The following DRC8 variants were observed in gnomAD, a reference collection of about 807,000 sequenced individuals.
The protein encoded by DRC8 is dynein regulatory complex subunit 8.
At chr1:245,009,764 G>GC in the DRC8 span, among the ~76,000 whole-genome samples, 3 of 151,708 alleles carry the variant, frequency 2.0e-5, no homozygotes, top group Non-Finnish European at 4.4e-5. Flanking sequence ...ACTGCGCCCA[G>GC]CCCCCCAAAT....
the DRC8 span, among the ~76,000 whole-genome samples, chr1:245,009,470 AT>A: frequency 6.0e-3 from 843 of 139,642 alleles, 5 homozygotes; most frequent in African/African-American, 0.02. Flanking sequence ...AATCCAAACG[AT>A]TTTTTTTTTT....
At chr1:245,090,343 G>A in the DRC8 span, among the ~76,000 whole-genome samples, 5 of 152,214 alleles carry the variant, frequency 3.3e-5, no homozygotes, top group Admixed American at 2.0e-4. Context: ...TAATTCCTGA[G>A]TGATAATATG....
chr1:245,028,271 A>G, the DRC8 span, among the ~76,000 whole-genome samples: 1 of 152,154 alleles, frequency 6.6e-6, no homozygotes, highest in African/African-American at 2.4e-5. Flanking sequence ...ATCATTTCTC[A>G]TGGCTAAGAA....
chr1:245,073,901 G>GT, the DRC8 span, among the ~76,000 whole-genome samples: 1 of 152,134 alleles, frequency 6.6e-6, no homozygotes, highest in South Asian at 2.1e-4. Context: ...TATTATCTCT[G>GT]TAACAAGAAA....
At chr1:245,102,560 G>C in the DRC8 span, among the ~76,000 whole-genome samples, 996 of 152,250 alleles carry the variant, frequency 6.5e-3, 7 homozygotes, top group African/African-American at 0.023. Context: ...ATGATGGCCA[G>C]GCTGGTCTCA....
chr1:245,079,007 GA>G, the DRC8 span, among the ~76,000 whole-genome samples: 1 of 152,032 alleles, frequency 6.6e-6, no homozygotes, highest in African/African-American at 2.4e-5. Context: ...AGGTATATGG[GA>G]ACTCTGTATT....
the DRC8 span, among the ~76,000 whole-genome samples, chr1:245,027,885 T>C: frequency 2.7e-5 from 4 of 146,958 alleles, no homozygotes; most frequent in African/African-American, 5.0e-5. Flanking sequence ...TTTTTTTTTT[T>C]CAGGAAGTGC....
the DRC8 span, among the ~76,000 whole-genome samples, chr1:245,017,948 C>T: frequency 6.6e-6 from 1 of 152,038 alleles, no homozygotes. Flanking sequence ...GCAATGAAGC[C>T]AGGCGTGGTG....
At chr1:245,012,988 A>T in the DRC8 span, among the ~76,000 whole-genome samples, 1 of 152,214 alleles carries the variant, frequency 6.6e-6, no homozygotes, top group Non-Finnish European at 1.5e-5. Flanking sequence ...CAATTGATAG[A>T]ATTAATCTCA....
At chr1:245,053,207 A>G in the DRC8 span, among the ~76,000 whole-genome samples, 1 of 152,186 alleles carries the variant, frequency 6.6e-6, no homozygotes, top group Non-Finnish European at 1.5e-5. Flanking sequence ...TACAAAGTTG[A>G]TGAGAAAAAA....
the DRC8 span, among the ~76,000 whole-genome samples, chr1:245,036,739 A>G: frequency 8.0e-3 from 1,221 of 152,362 alleles, 17 homozygotes; most frequent in African/African-American, 0.028. Context: ...AGCTGGACAC[A>G]GAAGGCCACA....
chr1:244,980,403 A>T, the DRC8 span, among the ~76,000 whole-genome samples: 1 of 152,132 alleles, frequency 6.6e-6, no homozygotes, highest in African/African-American at 2.4e-5. Context: ...TTTTAGCAAG[A>T]GACAATCATA....
At chr1:245,042,532 G>A in the DRC8 span, among the ~76,000 whole-genome samples, 1 of 152,294 alleles carries the variant, frequency 6.6e-6, no homozygotes, top group Non-Finnish European at 1.5e-5. Context: ...AATGCCCTCC[G>A]TAAGGGCGAG....
the DRC8 span, among the ~76,000 whole-genome samples, chr1:244,994,359 A>C: frequency 6.6e-6 from 1 of 152,168 alleles, no homozygotes; most frequent in Non-Finnish European, 1.5e-5. Context: ...AGCCATATAC[A>C]CAAATTTGTT....
At chr1:245,120,489 A>AT in the DRC8 span, among the ~76,000 whole-genome samples, 297 of 152,176 alleles carry the variant, frequency 2.0e-3, no homozygotes, top group Non-Finnish European at 3.1e-3. Context: ...TATTATTTGT[A>AT]TTTTTTTCCT....
chr1:245,083,880 G>A, the DRC8 span: 6 of 641,328 alleles, frequency 9.4e-6, no homozygotes, highest in Non-Finnish European at 1.5e-5. Context: ...AGGGAAAGGG[G>A]AGATGGGTTG....
the DRC8 span, chr1:245,023,165 G>A: frequency 6.6e-6 from 1 of 152,190 alleles, no homozygotes; most frequent in Non-Finnish European, 1.5e-5. Context: ...ATTTCACGTA[G>A]CGTAATGTTC....
the DRC8 span, among the ~76,000 whole-genome samples, chr1:245,056,808 A>T: frequency 6.6e-6 from 1 of 151,904 alleles, no homozygotes; most frequent in South Asian, 2.1e-4. Flanking sequence ...GTGGCGGCCC[A>T]TGCCTGTAGT....
the DRC8 span, among the ~76,000 whole-genome samples, chr1:245,108,804 C>T: frequency 3.3e-5 from 5 of 152,188 alleles, no homozygotes; most frequent in Admixed American, 1.3e-4. Context: ...TTCCAGCCCT[C>T]ATCCCCTCCT....
Sources: allele counts gnomAD v4.1 joint callset (sites outside exome capture counted in the v4.1 genomes callset), GRCh38; gene constraint gnomAD v4.1.1; transcripts MANE v1.5; gene names NCBI Gene and HGNC (gene_info 2026-07-23, HGNC 2026-07-21).